The following ZNF749 variants were observed in gnomAD, a reference collection of about 807,000 sequenced individuals.
ZNF749 encodes the protein zinc finger protein 749.
A neutral mutation model predicts 7.3 loss-of-function variants in ZNF749; 8 were observed. The observed-to-expected ratio is 1.10, with a 90% CI of 0.64 to 1.98. The LOEUF (loss-of-function observed/expected upper bound fraction) is 1.98, where lower values mean the gene tolerates loss of function less well. Ranked by LOEUF, ZNF749 falls within the 30% of genes most tolerant of loss-of-function variation. The pLI is 0.00. For missense variants in ZNF749, 898 were observed against 932.4 expected (o/e 0.96, Z 0.48); for synonymous variants, 310 against 322.4 (o/e 0.96, Z 0.41).
chr19:57,440,329 T>G (rs1335811001), intron 1 of ZNF749, among the ~76,000 whole-genome samples: 1 of 151,154 alleles, frequency 6.6e-6, no homozygotes. Flanking sequence ...ATTAGGGGGA[T>G]AGAGAATGTT....
intron 1 of ZNF749, among the ~76,000 whole-genome samples, chr19:57,441,146 G>T (rs1051372031): frequency 6.9e-6 from 1 of 144,998 alleles, no homozygotes; most frequent in African/African-American, 2.6e-5. Context: ...AAAGAGGGTA[G>T]GGCGCCCTGG....
At position 57,435,350 on chromosome 19, in the gene ZNF749, C is replaced by T; in HGVS notation, c.-229C>T. 1 of 635,210 alleles carries T rather than the reference C, an allele frequency of 1.6e-6. No individual in the cohort carries two copies. Among genetic ancestry groups the T allele is most frequent in the East Asian group, 2.8e-5 (1 of 36,184 alleles). 39.3% of individuals were successfully genotyped at this position (635,210 alleles called of 1,614,324 possible). A position where few individuals can be genotyped will look rare whatever the true frequency, so the allele number is the denominator to read the frequency against. On this transcript the variant is annotated 5_prime_UTR_variant, in exon 1 of 3. Transcript: ENST00000334181. ...ACTTCTGGCGGCGCCCTCATGGTTG[C>T]GTTAGCATGGCTACCTAGGGATCTG...
upstream of ZNF749, among the ~76,000 whole-genome samples, chr19:57,431,149 G>C (rs1468791325): frequency 1.3e-5 from 2 of 151,868 alleles, no homozygotes; most frequent in Non-Finnish European, 2.9e-5. Context: ...GCTTAAGTTT[G>C]CCAAATTGTT....
Position 57,444,701 on chromosome 19 carries a change from A to G in ZNF749, c.1553A>G (p.Lys518Arg), listed in dbSNP as rs1190501734. ...ERPYECTQCA[K>R]AFVRKSHLVQ... The stretch of plus-strand genomic sequence containing the variant: ...CCTTATGAATGCACTCAATGTGCGA[A>G]GGCCTTTGTTAGAAAGTCCCACCTA... The change falls in exon 3 of 3, where the codon AAG becomes AGG. Residue 518 changes from lysine to arginine, a missense_variant. Coordinates refer to ENST00000334181, the MANE Select transcript of ZNF749 (RefSeq NM_001023561.4). 6.2e-7 allele frequency: 1 copy of G among 1,613,656 alleles called. No homozygotes were observed. Among genetic ancestry groups the G allele is most frequent in the Admixed American group, 1.7e-5 (1 of 59,940 alleles).
In ZNF749 at chr19:57,445,825, G is replaced by A. The variant is rs73635371; in HGVS notation, c.*340G>A. ...GTGCCTGTAATCCCAGCTATTCAGG[G>A]GACTGAGGCAGGGAGCATCACTTGA... On this transcript the variant is annotated 3_prime_UTR_variant, in exon 3 of 3. Coordinates refer to ENST00000334181, the MANE Select transcript of ZNF749 (RefSeq NM_001023561.4). 0.08 allele frequency among the ~76,000 whole-genome samples: 12,146 copies of A among 152,112 alleles called. 1,130 individuals carry two copies. The highest frequency in any genetic ancestry group is 0.23 in the African/African-American group (9,478 of 41,440).
Position 57,439,242 on chromosome 19 carries a change from G to A in ZNF749, c.16-2643G>A, listed in dbSNP as rs950769891. On this transcript the variant is annotated intron_variant, in intron 1 of 2. Transcript: ENST00000334181. The surrounding 1 kb of genome is among the most constrained non-coding windows in gnomAD (Gnocchi z 4.3). ...TGACTGAACGAGAGTGGCGGTGGTG[G>A]AAGTGGGAGGAGTGGGGGGCTTCTG... Among the ~76,000 whole-genome samples the A allele has an allele frequency of 6.6e-6, 1 of 152,110 alleles. No homozygotes were observed. The highest frequency in any genetic ancestry group is 2.4e-5 in the African/African-American group (1 of 41,414).
chr19:57,444,693 A>G lies in ZNF749; in HGVS notation c.1545A>G (p.Gln515=), dbSNP rs373117467. The G allele has an allele frequency of 1.9e-5, 30 of 1,613,418 alleles. No individual in the cohort carries two copies. Among genetic ancestry groups the G allele is most frequent in the Admixed American group, 1.7e-5 (1 of 59,922 alleles). ...GAGAACGGCCTTATGAATGCACTCA[A>G]TGTGCGAAGGCCTTTGTTAGAAAGT... ...HTGERPYECT[Q]CAKAFVRKSH... Residue 515 remains glutamine (Q), a synonymous_variant, in exon 3 of 3, where the codon CAA becomes CAG. Transcript: ENST00000334181.
Position 57,445,025 on chromosome 19 carries a change from C to T in ZNF749, c.1877C>T (p.Thr626Ile). Residue 626 changes from threonine (T) to isoleucine (I), a missense_variant, in exon 3 of 3, where the codon ACA becomes ATA. By Grantham distance (89) the Thr-to-Ile change is moderately conservative. Coordinates refer to ENST00000334181, the MANE Select transcript of ZNF749 (RefSeq NM_001023561.4). ...GGGAAATTCTTTAGATATCGCTGTA[C>T]ACTGAGTAGACATCAGAAAGTTCAC... ...KCGKFFRYRC[T>I]LSRHQKVHTG... The T allele has an allele frequency of 6.2e-7, 1 of 1,614,030 alleles. No homozygotes were observed. Among genetic ancestry groups the T allele is most frequent in the Non-Finnish European group, 8.5e-7 (1 of 1,180,002 alleles).
At position 57,435,357 on chromosome 19, in the gene ZNF749, A is replaced by G. The variant is rs1183503054; in HGVS notation, c.-222A>G. The G allele has an allele frequency of 1.1e-5, 7 of 653,648 alleles. No individual in the cohort carries two copies. Among genetic ancestry groups the G allele is most frequent in the Middle Eastern group, 4.2e-4 (1 of 2,408 alleles). The allele number at this position is 653,648 out of a possible 1,614,324, so 40.5% of individuals were successfully genotyped here. A position where few individuals can be genotyped will look rare whatever the true frequency, so the allele number is the denominator to read the frequency against. On this transcript the variant is annotated 5_prime_UTR_variant, in exon 1 of 3. The change abolishes an upstream ATG in the 5' untranslated region. Transcript: ENST00000334181. ...GCGGCGCCCTCATGGTTGCGTTAGC[A>G]TGGCTACCTAGGGATCTGTTCACTG...
rs1247183119 is a variant in ZNF749 at position 57,435,459 on chromosome 19, C to T, written c.-120C>T. On this transcript the variant is annotated 5_prime_UTR_variant, in exon 1 of 3. Transcript: ENST00000334181. The stretch of plus-strand genomic sequence containing the variant: ...AACGCGAGAAGCGGTGTTCCTTCTA[C>T]ACAGAGGCTAGAGTGCGGATCGGCT... 1 of 1,445,246 alleles carries T rather than the reference C, an allele frequency of 6.9e-7. No homozygotes were observed. Among genetic ancestry groups the T allele is most frequent in the African/African-American group, 1.4e-5 (1 of 70,936 alleles). The allele number at this position is 1,445,246 out of a possible 1,614,324, so 89.5% of individuals were successfully genotyped here. A position where few individuals can be genotyped will look rare whatever the true frequency, so the allele number is the denominator to read the frequency against.
At position 57,435,396 on chromosome 19, in the gene ZNF749, C is replaced by A; in HGVS notation, c.-183C>A. On this transcript the variant is annotated 5_prime_UTR_variant, in exon 1 of 3. Coordinates refer to ENST00000334181, the MANE Select transcript of ZNF749 (RefSeq NM_001023561.4). ...ATCTGTTCACTGATTTAGAGGGTCC[C>A]AGAGCTCTGGGTCGGGACTGAGGTG... 1 of 864,616 alleles carries A rather than the reference C, an allele frequency of 1.2e-6. No individual in the cohort carries two copies. The highest frequency in any genetic ancestry group is 1.8e-6 in the Non-Finnish European group (1 of 553,362). The allele number at this position is 864,616 out of a possible 1,614,324, so 53.6% of individuals were successfully genotyped here.
upstream of ZNF749, among the ~76,000 whole-genome samples, chr19:57,433,172 G>T (rs1337264772): frequency 6.7e-6 from 1 of 149,910 alleles, no homozygotes; most frequent in African/African-American, 2.5e-5. Context: ...TATTTAGAAG[G>T]TTGACATCCT....
At chr19:57,443,208 G>A (rs185797981) in intron 2 of ZNF749, 83 bp from the exon 3 acceptor site, 1 of 1,206,832 alleles carries the variant, frequency 8.3e-7, no homozygotes, top group East Asian at 2.3e-5. Context: ...TCATTTGTGG[G>A]TGTGTCTCAC....
intron 1 of ZNF749, 181 bp downstream of exon 1, chr19:57,435,774 T>C (rs1179086200): frequency 2.4e-6 from 3 of 1,267,864 alleles, no homozygotes; most frequent in Non-Finnish European, 3.2e-6. Context: ...CCGACACGTC[T>C]CTGGGGCTTG....
In ZNF749 at chr19:57,442,426, G is replaced by A. The variant is rs2089001062; in HGVS notation, c.142+415G>A. ...TCCCTGGTCACCACTTGTGAGGATT[G>A]TGAAGTTATTTCTGCAGGACGCTCT... On this transcript the variant is annotated intron_variant, in intron 2 of 2. Coordinates refer to ENST00000334181, the MANE Select transcript of ZNF749 (RefSeq NM_001023561.4). This position sits in a 1 kb window ranked among gnomAD's most constrained non-coding sequence, Gnocchi z 6.6. Among the ~76,000 whole-genome samples the A allele has an allele frequency of 6.6e-6, 1 of 152,206 alleles. No homozygotes were observed. Among genetic ancestry groups the A allele is most frequent in the Non-Finnish European group, 1.5e-5 (1 of 68,036 alleles).
At chr19:57,431,664 GA>G (rs1033341895), upstream of ZNF749, among the ~76,000 whole-genome samples, 686 of 131,754 alleles carry the variant, frequency 5.2e-3, 3 homozygotes, top group African/African-American at 0.016. Flanking sequence ...GGACAAAAAA[GA>G]AAAAAAAAAA....
At chr19:57,435,663 TG>T in intron 1 of ZNF749, 70 bp downstream of exon 1, 1 of 1,566,074 alleles carries the variant, frequency 6.4e-7, no homozygotes, top group Non-Finnish European at 8.6e-7. Context: ...GGAGCCGCCC[TG>T]CAGGTTAGGC....
intron 1 of ZNF749, among the ~76,000 whole-genome samples, chr19:57,441,115 CAAAAA>C (rs35321744): frequency 5.6e-5 from 4 of 71,272 alleles, no homozygotes; most frequent in East Asian, 4.1e-4. Context: ...ACTCTTGTCT[CAAAAA>C]AAAAAAAAAA....
At chr19:57,441,191 C>T (rs2088985589) in intron 1 of ZNF749, among the ~76,000 whole-genome samples, 1 of 151,430 alleles carries the variant, frequency 6.6e-6, no homozygotes, top group Admixed American at 6.6e-5. Flanking sequence ...TTTCTCCCCA[C>T]CCATCTTTGT....
Sources: gnomAD v4.1 joint callset for allele counts (sites outside exome capture counted in the v4.1 genomes callset) on GRCh38, gnomAD v4.1.1 for gene constraint, Gnocchi (gnomAD v3.1) non-coding constraint, MANE v1.5 for transcripts, NCBI Gene and HGNC (gene_info 2026-07-23, HGNC 2026-07-21) for gene names.